TBC1D8: variants seen among roughly 807,000 people sequenced by gnomAD.
TBC1D8 encodes BUB2-like protein 1.
A neutral mutation model predicts 118.8 loss-of-function variants in TBC1D8; 65 were observed. The observed-to-expected ratio is 0.55, with a 90% CI of 0.45 to 0.67. TBC1D8 has a LOEUF of 0.67. Among genes scored for constraint, TBC1D8 ranks in the 30% least tolerant of loss-of-function variants. The pLI is 0.00. For missense variants in TBC1D8, 1,376 were observed against 1,471.2 expected, an observed-to-expected ratio of 0.94 and a Z score of 1.06; for synonymous variants, 566 against 595.8, an observed-to-expected ratio of 0.95 and a Z score of 0.73.
chr2:101,026,244 A>G (rs889142059), intron 15 of TBC1D8, among the ~76,000 whole-genome samples: 1 of 152,190 alleles, frequency 6.6e-6, no homozygotes, highest in Non-Finnish European at 1.5e-5. Context: ...AACTCACATA[A>G]TTTGTTTGCC....
At chr2:101,025,893 A>G (rs1390087526) in intron 15 of TBC1D8, among the ~76,000 whole-genome samples, 1 of 152,260 alleles carries the variant, frequency 6.6e-6, no homozygotes, top group African/African-American at 2.4e-5. Flanking sequence ...TCAATTTGAC[A>G]GAAAAGGAGA....
intron 1 of TBC1D8, among the ~76,000 whole-genome samples, chr2:101,115,392 T>C (rs1046139816): frequency 2.0e-5 from 3 of 152,246 alleles, no homozygotes; most frequent in Non-Finnish European, 1.5e-5. Flanking sequence ...AGTTTTCTAC[T>C]GGGAATTCTG....
intron 2 of TBC1D8, among the ~76,000 whole-genome samples, chr2:101,084,073 G>A (rs1262315891): frequency 6.6e-6 from 1 of 152,168 alleles, no homozygotes; most frequent in African/African-American, 2.4e-5. Flanking sequence ...ACCTGGCCCG[G>A]GTCAGGCCTG....
At position 101,086,010 on chromosome 2, in the gene TBC1D8, C is replaced by T. The variant is rs547613559; in HGVS notation, c.283+4199G>A. 5.3e-5 allele frequency among the ~76,000 whole-genome samples: 8 copies of T among 152,024 alleles called. No individual in the cohort carries two copies. The South Asian group carries it at 1.5e-3, about 28-fold the overall frequency. On this transcript the variant is annotated intron_variant, in intron 2 of 19. Transcript: ENST00000409318. Reference sequence around the variant, plus strand: ...CAAAAAAATTAGCTGGGCGTGGTGGCGGGTGCCTGTAGTCCCAGCTACTTG... The same window carrying T: ...CAAAAAAATTAGCTGGGCGTGGTGGTGGGTGCCTGTAGTCCCAGCTACTTG...
At chr2:101,014,248 ATCT>A (rs557101698) in intron 17 of TBC1D8, among the ~76,000 whole-genome samples, 214 of 152,024 alleles carry the variant, frequency 1.4e-3, no homozygotes, top group African/African-American at 4.5e-3. Context: ...ATTTTTCAAA[ATCT>A]TCTGTGGCAT....
At chr2:101,026,009 TAAAA>T (rs940928219) in intron 15 of TBC1D8, among the ~76,000 whole-genome samples, 5 of 152,252 alleles carry the variant, frequency 3.3e-5, no homozygotes, top group African/African-American at 1.2e-4. Flanking sequence ...ATAGGAAGGA[TAAAA>T]ACAGGAAACA....
chr2:101,122,383 C>CAAAAAAAAAAAAAAAAAAAAAAAAAAAAA (rs70943064), intron 1 of TBC1D8, among the ~76,000 whole-genome samples: 2 of 71,944 alleles, frequency 2.8e-5, no homozygotes, highest in Admixed American at 1.9e-4. Flanking sequence ...GACTCCATTT[C>CAAAAAAAAAAAAAAAAAAAAAAAAAAAAA]AAAAAAAAAA....
chr2:101,105,854 G>A (rs1285285487), intron 1 of TBC1D8, among the ~76,000 whole-genome samples: 1 of 151,786 alleles, frequency 6.6e-6, no homozygotes, highest in Non-Finnish European at 1.5e-5. Flanking sequence ...CCCTGCAATC[G>A]CACACCTAGG....
Position 101,037,692 on chromosome 2 carries a change from T to A in TBC1D8, c.1292A>T (p.His431Leu). 6.2e-7 allele frequency: 1 copy of A among 1,613,384 alleles called. No homozygotes were observed. Among genetic ancestry groups the A allele is most frequent in the Middle Eastern group, 1.6e-4 (1 of 6,062 alleles). ...ADDDMASLVFHSTSMCSDHRF... is the reference protein window; with the variant it reads ...ADDDMASLVFLSTSMCSDHRF... ...GTGGTCACTGCACATGCTTGTTGAA[T>A]GAAACACGAGTGAAGCCTGCACAGC... is the stretch of plus-strand genomic sequence containing the variant. Residue 431 changes from histidine to leucine, a missense_variant, in exon 8 of 20, where the codon CAT (histidine) becomes CTT (leucine). His to Leu is a moderately conservative substitution (Grantham distance 99). Transcript: ENST00000409318.
At position 101,131,779 on chromosome 2, in the gene TBC1D8, C is replaced by T. The variant is rs866154854; in HGVS notation, c.127+19348G>A. ...GCGGCGAGCCAAGATCGTGACACGA[C>T]ACTCCAGCCTGGGCGACAGAGCGAG... On this transcript the variant is annotated intron_variant, in intron 1 of 19. Coordinates refer to ENST00000409318, the MANE Select transcript of TBC1D8 (RefSeq NM_001330348.2). 6.6e-5 allele frequency among the ~76,000 whole-genome samples: 10 copies of T among 152,018 alleles called. No individual in the cohort carries two copies. The South Asian group carries it at 2.1e-3, about 32-fold the overall frequency.
chr2:101,126,370 G>A (rs560552497), intron 1 of TBC1D8, among the ~76,000 whole-genome samples: 2 of 152,220 alleles, frequency 1.3e-5, no homozygotes, highest in South Asian at 2.1e-4. Context: ...AACCATATCC[G>A]AACCATAGCA....
At chr2:101,014,834 T>G (rs921404840) in intron 17 of TBC1D8, among the ~76,000 whole-genome samples, 1 of 152,184 alleles carries the variant, frequency 6.6e-6, no homozygotes, top group East Asian at 1.9e-4. Flanking sequence ...ATAACTTGAG[T>G]GCCAAACTTC....
At chr2:101,022,048 A>G (rs1254656353) in intron 16 of TBC1D8, among the ~76,000 whole-genome samples, 1 of 152,238 alleles carries the variant, frequency 6.6e-6, no homozygotes, top group Non-Finnish European at 1.5e-5. Flanking sequence ...TGCCAAGGAA[A>G]GCAAGGTGAA....
At chr2:101,057,147 A>G (rs554645521) in intron 3 of TBC1D8, among the ~76,000 whole-genome samples, 10 of 152,334 alleles carry the variant, frequency 6.6e-5, no homozygotes, top group African/African-American at 2.4e-4. Context: ...ACAAACACCA[A>G]AAAGGCTCTC....
chr2:101,107,939 G>A (rs897249437), intron 1 of TBC1D8, among the ~76,000 whole-genome samples: 1 of 152,074 alleles, frequency 6.6e-6, no homozygotes, highest in Admixed American at 6.5e-5. Context: ...GGTGCCTGTA[G>A]TCCCAGCTAC....
intron 15 of TBC1D8, 46 bp downstream of exon 15, chr2:101,027,337 G>C (rs986626643): frequency 6.3e-7 from 1 of 1,585,994 alleles, no homozygotes; most frequent in Non-Finnish European, 8.7e-7. Context: ...CCGCGGCTCA[G>C]GCCAGCTCAG....
intron 1 of TBC1D8, among the ~76,000 whole-genome samples, chr2:101,131,382 A>G (rs1341153679): frequency 6.6e-6 from 1 of 151,926 alleles, no homozygotes; most frequent in African/African-American, 2.4e-5. Context: ...CATGGTGGTG[A>G]CGTGCGCCTG....
chr2:101,022,940 C>T (rs1374867969), intron 15 of TBC1D8, among the ~76,000 whole-genome samples: 1 of 151,808 alleles, frequency 6.6e-6, no homozygotes, highest in African/African-American at 2.4e-5. Context: ...CTCAAGATTT[C>T]GTGACCAGCC....
intron 5 of TBC1D8, among the ~76,000 whole-genome samples, chr2:101,048,273 T>C (rs1452502142): frequency 1.3e-5 from 2 of 152,144 alleles, no homozygotes; most frequent in East Asian, 1.9e-4. Context: ...GTAGAGGCAT[T>C]TGAAGAAATA....
Sources: allele counts gnomAD v4.1 joint callset (sites outside exome capture counted in the v4.1 genomes callset), GRCh38; gene constraint gnomAD v4.1.1; transcripts MANE v1.5; gene names NCBI Gene and HGNC (gene_info 2026-07-23, HGNC 2026-07-21).